ZZZ3: variants seen among roughly 807,000 people sequenced by gnomAD.
ZZZ3 encodes the protein ZZ-type zinc finger-containing protein 3.
Under a neutral mutation model 95.2 loss-of-function variants are expected in ZZZ3, and 22 were observed. The observed-to-expected ratio is 0.23, with a 90% CI of 0.17 to 0.33. ZZZ3 has a LOEUF of 0.33. ZZZ3 is among the 10% of genes least tolerant of loss of function. ZZZ3 has a pLI of 1.00. For missense variants in ZZZ3, 885 were observed against 1,066.5 expected (o/e 0.83, Z 2.37); for synonymous variants, 335 against 358.9 (o/e 0.93, Z 0.75).
chr1:77,659,360 T>C (rs1670578118), intron 1 of ZZZ3, among the ~76,000 whole-genome samples: 1 of 151,990 alleles, frequency 6.6e-6, no homozygotes, highest in Non-Finnish European at 1.5e-5. Context: ...TTAATCAATT[T>C]TTAAATTTAA....
At chr1:77,682,292 A>G (rs1055289423) in intron 1 of ZZZ3, among the ~76,000 whole-genome samples, 2 of 152,240 alleles carry the variant, frequency 1.3e-5, no homozygotes, top group African/African-American at 4.8e-5. Context: ...AAAAACTGAC[A>G]AGAACATCTT....
intron 5 of ZZZ3, among the ~76,000 whole-genome samples, chr1:77,610,438 A>T (rs1665678261): frequency 6.6e-6 from 1 of 152,110 alleles, no homozygotes; most frequent in Non-Finnish European, 1.5e-5. Context: ...AAAATAGAGG[A>T]GGAGGGAATA....
intron 5 of ZZZ3, among the ~76,000 whole-genome samples, chr1:77,595,698 C>G (rs1211445551): frequency 6.6e-6 from 1 of 151,914 alleles, no homozygotes; most frequent in East Asian, 1.9e-4. Flanking sequence ...TACAAGCAAA[C>G]ATTTGCATTT....
chr1:77,619,600 C>G (rs893968281), intron 5 of ZZZ3, among the ~76,000 whole-genome samples: 6 of 151,986 alleles, frequency 3.9e-5, no homozygotes, highest in Non-Finnish European at 7.4e-5. Context: ...CTGATAATAC[C>G]AAACCTAAAT....
At chr1:77,622,009 G>GA (rs1666915449) in intron 5 of ZZZ3, among the ~76,000 whole-genome samples, 1 of 151,594 alleles carries the variant, frequency 6.6e-6, no homozygotes, top group Non-Finnish European at 1.5e-5. Flanking sequence ...TAAAATATAT[G>GA]AATGCGTTAA....
At chr1:77,621,443 T>TA (rs1274344863) in intron 5 of ZZZ3, among the ~76,000 whole-genome samples, 115 of 142,282 alleles carry the variant, frequency 8.1e-4, no homozygotes, top group Middle Eastern at 3.7e-3. Context: ...ACCCTCCCTT[T>TA]AAAAAAAAAA....
intron 5 of ZZZ3, among the ~76,000 whole-genome samples, chr1:77,624,977 A>G (rs1219782847): frequency 6.6e-6 from 1 of 152,226 alleles, no homozygotes; most frequent in Non-Finnish European, 1.5e-5. Flanking sequence ...CTGGTCACAG[A>G]AGTGTTGAGT....
chr1:77,620,563 G>A (rs1290484260), intron 5 of ZZZ3, among the ~76,000 whole-genome samples: 2 of 152,038 alleles, frequency 1.3e-5, no homozygotes, highest in African/African-American at 4.8e-5. Context: ...AAGAACAGTA[G>A]GAGAGGAAGG....
chr1:77,600,359 A>G (rs1664614350), intron 5 of ZZZ3, among the ~76,000 whole-genome samples: 1 of 152,228 alleles, frequency 6.6e-6, no homozygotes, highest in Non-Finnish European at 1.5e-5. Context: ...ATTTTTACCT[A>G]TTAAGCTAAG....
Position 77,578,791 on chromosome 1 carries a change from A to T in ZZZ3, c.2161T>A (p.Tyr721Asn). ...IPVPGRTPNL[Y>N]IYSKKSSTSR... is the part of the protein sequence containing the mutation. ...TCTTTTACCTTTTTGGAGTATATAT[A>T]TAAGTTTGGTGTTCTGCCTGGTACT... Residue 721 changes from tyrosine (Y) to asparagine (N), a missense_variant, in exon 11 of 15, where the codon TAT becomes AAT. By Grantham distance (143) the Tyr-to-Asn change is moderately radical (BLOSUM62 -2). Around this residue, in one of 5 missense-constraint regions of ZZZ3, gnomAD observed 221 missense variants for 247.8 expected, o/e 0.89. Transcript: ENST00000370801. The T allele has an allele frequency of 1.3e-6, 2 of 1,555,124 alleles. No homozygotes were observed. Among genetic ancestry groups the T allele is most frequent in the Non-Finnish European group, 1.7e-6 (2 of 1,155,408 alleles).
chr1:77,613,461 T>TAA (rs200156851), intron 5 of ZZZ3, among the ~76,000 whole-genome samples: 88 of 141,806 alleles, frequency 6.2e-4, no homozygotes, highest in African/African-American at 1.6e-3. Flanking sequence ...TCCACGCCTT[T>TAA]AAAAAAAAAA....
intron 5 of ZZZ3, among the ~76,000 whole-genome samples, chr1:77,594,153 A>G (rs1048121797): frequency 1.3e-5 from 2 of 152,154 alleles, no homozygotes; most frequent in Admixed American, 1.3e-4. Context: ...ATGCAAAGTT[A>G]CTGCCTTCAA....
intron 1 of ZZZ3, among the ~76,000 whole-genome samples, chr1:77,669,553 G>A (rs765732605): frequency 6.6e-5 from 10 of 151,220 alleles, no homozygotes; most frequent in Non-Finnish European, 1.5e-4. Context: ...GCCCCTCTGG[G>A]TTCAAGCGAT....
At chr1:77,648,419 G>A (rs1198378552) in intron 1 of ZZZ3, among the ~76,000 whole-genome samples, 1 of 148,158 alleles carries the variant, frequency 6.7e-6, no homozygotes, top group Non-Finnish European at 1.5e-5. Context: ...AAAAGCAATC[G>A]ACAGAAAAAG....
At position 77,565,763 on chromosome 1, in the gene ZZZ3, G is replaced by C; in HGVS notation, c.2589C>G (p.His863Gln). 6.2e-7 allele frequency: 1 copy of C among 1,613,116 alleles called. No homozygotes were observed. The highest frequency in any genetic ancestry group is 8.5e-7 in the Non-Finnish European group (1 of 1,179,506). ...CSDCLHETDI[H>Q]KEDHQLEPIY... is the part of the protein sequence containing the mutation. The stretch of plus-strand genomic sequence containing the variant: ...TAGGTTCTAATTGGTGATCTTCCTT[G>C]TGAATATCTGTTTCATGTAGACTGT... Residue 863 changes from histidine to glutamine, a missense_variant, in exon 15 of 15, where the codon CAC (histidine) becomes CAG (glutamine). Coordinates refer to ENST00000370801, the MANE Select transcript of ZZZ3 (RefSeq NM_015534.6).
chr1:77,682,005 G>A (rs563023084), intron 1 of ZZZ3, among the ~76,000 whole-genome samples: 1 of 151,866 alleles, frequency 6.6e-6, no homozygotes, highest in African/African-American at 2.4e-5. Flanking sequence ...TAACACAGTA[G>A]TAATTAAAAC....
chr1:77,632,513 T>A lies in ZZZ3; in HGVS notation c.842A>T (p.Lys281Ile), dbSNP rs1667899944. 6.2e-7 allele frequency: 1 copy of A among 1,614,072 alleles called. No homozygotes were observed. The highest frequency in any genetic ancestry group is 8.5e-7 in the Non-Finnish European group (1 of 1,180,034). Residue 281 changes from lysine to isoleucine, a missense_variant, in exon 5 of 15, where the codon AAA becomes ATA. Transcript: ENST00000370801. ...SQVQVKLEDH[K>I]IVTACLPVEH... ...CACAGGCAAGCAGGCAGTTACTATT[T>A]TGTGGTCCTCCAACTTGACCTGCAC...
At chr1:77,633,626 G>A (rs779899324) in intron 4 of ZZZ3, among the ~76,000 whole-genome samples, 4 of 152,106 alleles carry the variant, frequency 2.6e-5, no homozygotes, top group Non-Finnish European at 5.9e-5. Context: ...TATGTTCCAT[G>A]AGTCTTTCTA....
chr1:77,670,362 C>T (rs181169258), intron 1 of ZZZ3, among the ~76,000 whole-genome samples: 12 of 151,916 alleles, frequency 7.9e-5, no homozygotes, highest in East Asian at 5.8e-4. Context: ...TGGGTTCAAG[C>T]GATTCTCCTG....
Sources: allele counts gnomAD v4.1 joint callset (sites outside exome capture counted in the v4.1 genomes callset), GRCh38; gene constraint gnomAD v4.1.1; regional missense constraint gnomAD v4.1.1; transcripts MANE v1.5; gene names NCBI Gene and HGNC (gene_info 2026-07-23, HGNC 2026-07-21).